Variants in SLC9C1 observed in about 807,000 individuals in gnomAD.
The protein encoded by SLC9C1 is sodium/hydrogen exchanger 10.
In SLC9C1, 97 loss-of-function variants were observed where a neutral mutation model predicts 140.9. The ratio of observed to expected loss-of-function variants is 0.69; its 90% CI spans 0.58 to 0.82. SLC9C1 has a LOEUF of 0.82. SLC9C1 is among the 40% of genes least tolerant of loss of function. SLC9C1 has a pLI of 0.00. For missense variants in SLC9C1, 1,340 were observed against 1,389.3 expected (o/e 0.96, Z 0.56); for synonymous variants, 440 against 442.6 (o/e 0.99, Z 0.07).
At chr3:112,164,060 T>G (rs1351932989) in intron 26 of SLC9C1, among the ~76,000 whole-genome samples, 3 of 152,102 alleles carry the variant, frequency 2.0e-5, no homozygotes, top group Non-Finnish European at 4.4e-5. Flanking sequence ...CTTTGTTGGT[T>G]TAAAGTCTGT....
intron 1 of SLC9C1, among the ~76,000 whole-genome samples, chr3:112,292,474 A>ATG (rs2080711420): frequency 6.6e-6 from 1 of 152,218 alleles, no homozygotes; most frequent in East Asian, 1.9e-4. Flanking sequence ...AGTTTTAAAA[A>ATG]TACTAACATT....
chr3:112,162,641 A>T (rs2075340663), intron 26 of SLC9C1, among the ~76,000 whole-genome samples: 1 of 152,236 alleles, frequency 6.6e-6, no homozygotes, highest in African/African-American at 2.4e-5. Flanking sequence ...ATGGTGGATT[A>T]TCTTTTTGAT....
intron 1 of SLC9C1, among the ~76,000 whole-genome samples, chr3:112,291,696 G>A (rs1356718773): frequency 6.6e-6 from 1 of 152,192 alleles, no homozygotes; most frequent in Non-Finnish European, 1.5e-5. Context: ...AACCACTGTG[G>A]AAAACAGTGT....
At chr3:112,258,473 G>A (rs533201345) in intron 10 of SLC9C1, among the ~76,000 whole-genome samples, 12 of 151,840 alleles carry the variant, frequency 7.9e-5, no homozygotes, top group African/African-American at 2.2e-4. Flanking sequence ...TCACTCTGTC[G>A]CCCAGGCTGG....
chr3:112,175,590 TG>T (rs1003734613), intron 23 of SLC9C1, among the ~76,000 whole-genome samples: 2 of 152,178 alleles, frequency 1.3e-5, no homozygotes, highest in Non-Finnish European at 2.9e-5. Context: ...ACCCTCCCTC[TG>T]GGCGCTCTGT....
At chr3:112,257,519 C>T (rs759629056) in intron 10 of SLC9C1, among the ~76,000 whole-genome samples, 2 of 151,978 alleles carry the variant, frequency 1.3e-5, no homozygotes, top group African/African-American at 4.8e-5. Context: ...GAAACTGGAC[C>T]CCTTCGTTAC....
At chr3:112,220,564 C>A (rs984673602) in intron 14 of SLC9C1, among the ~76,000 whole-genome samples, 1 of 152,170 alleles carries the variant, frequency 6.6e-6, no homozygotes, top group East Asian at 1.9e-4. Context: ...GCAGTTTAAC[C>A]CCCCTCTTTG....
intron 27 of SLC9C1, among the ~76,000 whole-genome samples, chr3:112,153,373 A>G (rs915824295): frequency 6.7e-6 from 1 of 148,678 alleles, no homozygotes; most frequent in African/African-American, 2.5e-5. Flanking sequence ...AAAAAAAAAA[A>G]GATGGTCTTG....
intron 15 of SLC9C1, among the ~76,000 whole-genome samples, chr3:112,214,999 AG>A (rs2078317345): frequency 6.6e-6 from 1 of 152,212 alleles, no homozygotes; most frequent in African/African-American, 2.4e-5. Flanking sequence ...CACATCAAAA[AG>A]CTTATCTACT....
chr3:112,160,500 A>T (rs1443081562), intron 26 of SLC9C1, among the ~76,000 whole-genome samples: 2 of 145,096 alleles, frequency 1.4e-5, no homozygotes, highest in Non-Finnish European at 3.0e-5. Flanking sequence ...ATTCCCACTT[A>T]TGAGTGAGAG....
intron 28 of SLC9C1, 35 bp from the exon 29 acceptor site, chr3:112,141,316 A>G: frequency 6.4e-7 from 1 of 1,567,688 alleles, no homozygotes; most frequent in Non-Finnish European, 8.6e-7. Flanking sequence ...AAAAACATAG[A>G]GGGCTTTTGA....
At chr3:112,230,665 A>C (rs1161062160) in intron 13 of SLC9C1, among the ~76,000 whole-genome samples, 1 of 152,170 alleles carries the variant, frequency 6.6e-6, no homozygotes, top group African/African-American at 2.4e-5. Context: ...GAGTGATTGG[A>C]ATCCTACATG....
At chr3:112,191,190 T>C (rs941827463) in intron 20 of SLC9C1, among the ~76,000 whole-genome samples, 1 of 152,130 alleles carries the variant, frequency 6.6e-6, no homozygotes, top group Non-Finnish European at 1.5e-5. Flanking sequence ...TGAGGATGCT[T>C]TTTATTTCTT....
At chr3:112,179,764 T>C in intron 22 of SLC9C1, 63 bp from the exon 23 acceptor site, 1 of 1,387,200 alleles carries the variant, frequency 7.2e-7, no homozygotes, top group Non-Finnish European at 9.5e-7. Flanking sequence ...CCAAAACTAA[T>C]TTATGACTTT....
chr3:112,233,026 T>TACACACACACACAC (rs60551268), intron 12 of SLC9C1, among the ~76,000 whole-genome samples: 21 of 134,412 alleles, frequency 1.6e-4, no homozygotes, highest in African/African-American at 4.3e-4. Flanking sequence ...TTCACTTTCA[T>TACACACACACACAC]ACACACACAC....
rs564272143 is a variant in SLC9C1 at position 112,242,625 on chromosome 3, G to A, written c.1279+1370C>T. ...GATCTGGCATTTGATAGCACGATAGGGTGACTATAGTCAAGAATAATTAAT... is the reference window on the plus strand; with the variant it reads ...GATCTGGCATTTGATAGCACGATAGAGTGACTATAGTCAAGAATAATTAAT... On this transcript the variant is annotated intron_variant, in intron 11 of 28. Coordinates refer to ENST00000305815, the MANE Select transcript of SLC9C1 (RefSeq NM_183061.3). Among the ~76,000 whole-genome samples, 163 of 152,120 alleles carry A rather than the reference G, an allele frequency of 1.1e-3. 1 individual carries two copies. Among genetic ancestry groups the A allele is most frequent in the Non-Finnish European group, 1.6e-3 (109 of 67,988 alleles).
At chr3:112,226,962 C>T (rs1461839513) in intron 13 of SLC9C1, among the ~76,000 whole-genome samples, 1 of 151,774 alleles carries the variant, frequency 6.6e-6, no homozygotes, top group Non-Finnish European at 1.5e-5. Context: ...AGAGAAGATA[C>T]AAATAAATTA....
intron 26 of SLC9C1, among the ~76,000 whole-genome samples, chr3:112,159,625 T>C (rs2075229059): frequency 6.6e-6 from 1 of 152,076 alleles, no homozygotes; most frequent in South Asian, 2.1e-4. Context: ...ATTTTCTGTC[T>C]TCATAATCTG....
intron 15 of SLC9C1, among the ~76,000 whole-genome samples, chr3:112,212,426 C>T (rs536863947): frequency 6.6e-6 from 1 of 152,178 alleles, no homozygotes; most frequent in East Asian, 1.9e-4. Context: ...GGAGGAAGTT[C>T]GAACCCATGG....
Sources: gnomAD v4.1 joint callset for allele counts (sites outside exome capture counted in the v4.1 genomes callset) on GRCh38, gnomAD v4.1.1 for gene constraint, MANE v1.5 for transcripts, NCBI Gene and HGNC (gene_info 2026-07-23, HGNC 2026-07-21) for gene names.